CADM2: variants seen among roughly 807,000 people sequenced by gnomAD.
The protein encoded by CADM2 is immunoglobulin superfamily member 4D.
In CADM2, 12 loss-of-function variants were observed where a neutral mutation model predicts 49.8. The ratio of observed to expected loss-of-function variants is 0.24; its 90% CI spans 0.15 to 0.39. The LOEUF (loss-of-function observed/expected upper bound fraction) is 0.39. CADM2 is among the 10% of genes least tolerant of loss of function. CADM2 has a pLI of 1.00. For missense variants in CADM2, 378 were observed against 492.3 expected (o/e 0.77, Z 2.20); for synonymous variants, 214 against 175.4 (o/e 1.22, Z -1.74).
In CADM2 at chr3:85,660,282, G is replaced by A. The variant is rs2065359245; in HGVS notation, c.62-66240G>A. On this transcript the variant is annotated intron_variant, in intron 1 of 9. Coordinates refer to ENST00000383699, the MANE Select transcript of CADM2 (RefSeq NM_001167675.2). ...CCTAAATGGATGGAATATATATTAT[G>A]TTGTCAGTGGCAGGGAGGAGGCAGT... 2.0e-5 allele frequency among the ~76,000 whole-genome samples: 3 copies of A among 152,104 alleles called. No homozygotes were observed. The South Asian group carries it at 6.2e-4, about 31-fold the overall frequency.
At chr3:85,254,810 G>C (rs1265665609) in intron 1 of CADM2, among the ~76,000 whole-genome samples, 2 of 151,996 alleles carry the variant, frequency 1.3e-5, no homozygotes, top group Non-Finnish European at 2.9e-5. Context: ...CTACATTTTG[G>C]TTGAGGGATG....
chr3:85,037,844 G>A (rs1208186101), intron 1 of CADM2, among the ~76,000 whole-genome samples: 1 of 151,800 alleles, frequency 6.6e-6, no homozygotes, highest in Non-Finnish European at 1.5e-5. Context: ...TTTAATTTCT[G>A]TGCCTTTCTT....
At chr3:85,363,636 G>T (rs369424131) in intron 1 of CADM2, among the ~76,000 whole-genome samples, 1 of 152,124 alleles carries the variant, frequency 6.6e-6, no homozygotes, top group Admixed American at 6.5e-5. Context: ...TTTTGAGACG[G>T]AGTCTCGCTG....
chr3:85,199,480 T>C (rs2041437450), intron 1 of CADM2, among the ~76,000 whole-genome samples: 2 of 151,966 alleles, frequency 1.3e-5, no homozygotes, highest in South Asian at 4.1e-4. Context: ...AAAATTTTTT[T>C]TTTTTAGTTA....
intron 1 of CADM2, among the ~76,000 whole-genome samples, chr3:85,285,641 TC>T (rs914196391): frequency 6.6e-6 from 1 of 151,992 alleles, no homozygotes; most frequent in African/African-American, 2.4e-5. Flanking sequence ...AGTCTTTTTC[TC>T]CTACCACAAC....
chr3:85,699,392 C>G (rs2066676312), intron 1 of CADM2, among the ~76,000 whole-genome samples: 1 of 152,154 alleles, frequency 6.6e-6, no homozygotes. Context: ...TCCACACTGC[C>G]CTAGTAGAGA....
At chr3:85,190,287 G>A (rs1375121679) in intron 1 of CADM2, among the ~76,000 whole-genome samples, 2 of 152,048 alleles carry the variant, frequency 1.3e-5, no homozygotes, top group South Asian at 2.1e-4. Context: ...AACCTAGAAC[G>A]TATTTTTCTT....
chr3:85,277,367 A>G (rs1172166542), intron 1 of CADM2, among the ~76,000 whole-genome samples: 2 of 151,370 alleles, frequency 1.3e-5, no homozygotes, highest in Non-Finnish European at 3.0e-5. Flanking sequence ...CACACCCAAG[A>G]TTCATTCTTT....
At chr3:85,855,837 AG>A (rs928314517) in intron 3 of CADM2, among the ~76,000 whole-genome samples, 2 of 151,776 alleles carry the variant, frequency 1.3e-5, no homozygotes, top group African/African-American at 4.8e-5. Context: ...TGTGTTAGCC[AG>A]GATGGTCTCG....
At chr3:85,954,666 G>T (rs534688795) in intron 7 of CADM2, among the ~76,000 whole-genome samples, 1 of 151,156 alleles carries the variant, frequency 6.6e-6, no homozygotes, top group Admixed American at 6.6e-5. Context: ...CTAAGCTAAA[G>T]TTTGTTCAGG....
chr3:85,875,900 G>A (rs1559715681), intron 3 of CADM2, among the ~76,000 whole-genome samples: 1 of 152,140 alleles, frequency 6.6e-6, no homozygotes, highest in Admixed American at 6.6e-5. Flanking sequence ...GGCCTTATGG[G>A]TAGAGTTCTT....
chr3:86,050,608 C>T (rs1443359033), intron 8 of CADM2, among the ~76,000 whole-genome samples: 3 of 152,314 alleles, frequency 2.0e-5, no homozygotes, highest in African/African-American at 7.2e-5. Flanking sequence ...CCAGGCTTTT[C>T]CATACATCCT....
chr3:85,259,523 G>A (rs1006738963), intron 1 of CADM2, among the ~76,000 whole-genome samples: 2 of 152,032 alleles, frequency 1.3e-5, no homozygotes, highest in African/African-American at 4.8e-5. Context: ...TGGAAATGAT[G>A]CCTTCAGTAG....
chr3:85,805,912 CTT>C (rs1457929715), intron 3 of CADM2, among the ~76,000 whole-genome samples: 14 of 152,238 alleles, frequency 9.2e-5, no homozygotes, highest in Admixed American at 7.9e-4. Flanking sequence ...CCTCACTCTT[CTT>C]TCTGTCTCAG....
chr3:85,483,351 TAA>T (rs2039287486), intron 1 of CADM2, among the ~76,000 whole-genome samples: 2 of 151,488 alleles, frequency 1.3e-5, no homozygotes, highest in African/African-American at 2.4e-5. Context: ...AGTGTAAATA[TAA>T]GTATCATTTC....
chr3:86,003,355 A>G (rs1730404162), intron 8 of CADM2, among the ~76,000 whole-genome samples: 1 of 152,142 alleles, frequency 6.6e-6, no homozygotes, highest in South Asian at 2.1e-4. Context: ...AGAGTAATAA[A>G]TCCTTTTTTC....
chr3:85,584,976 G>T (rs1467315994), intron 1 of CADM2, among the ~76,000 whole-genome samples: 1 of 152,014 alleles, frequency 6.6e-6, no homozygotes, highest in African/African-American at 2.4e-5. Flanking sequence ...CCCTTTAGCC[G>T]CGGTTTCACT....
chr3:85,404,185 A>T (rs1321712185), intron 1 of CADM2, among the ~76,000 whole-genome samples: 1 of 152,098 alleles, frequency 6.6e-6, no homozygotes, highest in African/African-American at 2.4e-5. Context: ...GGAAAGATTA[A>T]AAATTTATTG....
intron 1 of CADM2, among the ~76,000 whole-genome samples, chr3:85,059,408 G>C (rs182033065): frequency 2.0e-5 from 3 of 151,864 alleles, no homozygotes; most frequent in African/African-American, 4.8e-5. Context: ...ATTAATTTTT[G>C]TGTGATTTCC....
Sources: allele counts gnomAD v4.1 joint callset (sites outside exome capture counted in the v4.1 genomes callset), GRCh38; gene constraint gnomAD v4.1.1; transcripts MANE v1.5; gene names NCBI Gene and HGNC (gene_info 2026-07-23, HGNC 2026-07-21).